CPEB1: variants seen among roughly 807,000 people sequenced by gnomAD.
The protein encoded by CPEB1 is cytoplasmic polyadenylation element-binding protein 1.
Under a neutral mutation model 65.8 loss-of-function variants are expected in CPEB1, and 7 were observed. The ratio of observed to expected loss-of-function variants is 0.11; its 90% CI spans 0.06 to 0.20. The LOEUF (loss-of-function observed/expected upper bound fraction) is 0.20, where lower values mean the gene tolerates loss of function less well. Ranked by LOEUF, CPEB1 falls within the 10% of genes least tolerant of loss-of-function variation. The pLI is 1.00. For missense variants in CPEB1, 551 were observed against 712.2 expected (o/e 0.77, Z 2.58); for synonymous variants, 262 against 260.0 (o/e 1.01, Z -0.08).
chr15:82,584,523 C>T lies in CPEB1; in HGVS notation c.272-12991G>A, dbSNP rs189411927. 1.2e-3 allele frequency among the ~76,000 whole-genome samples: 175 copies of T among 150,864 alleles called. 4 individuals are homozygous for T. The East Asian group carries it at 0.029, about 25-fold the overall frequency. ...TGAAACCCCATCTCTACTAAAAATA[C>T]AAAAATTAGCCAGGCGTGGTGGTGG... On this transcript the variant is annotated intron_variant, in intron 3 of 12. Transcript: ENST00000684509.
At chr15:82,604,320 A>G (rs960828729) in intron 3 of CPEB1, among the ~76,000 whole-genome samples, 7 of 152,032 alleles carry the variant, frequency 4.6e-5, no homozygotes, top group African/African-American at 1.7e-4. Flanking sequence ...TGTCTCTACT[A>G]AAATACAAAA....
At chr15:82,553,410 A>G (rs1224150214) in intron 8 of CPEB1, 57 bp downstream of exon 8, 1 of 1,320,338 alleles carries the variant, frequency 7.6e-7, no homozygotes, top group Non-Finnish European at 1.1e-6. Flanking sequence ...GCAGTTATGT[A>G]CTAGGGAAGG....
chr15:82,580,651 T>G (rs2041191340), intron 3 of CPEB1, among the ~76,000 whole-genome samples: 1 of 152,274 alleles, frequency 6.6e-6, no homozygotes, highest in African/African-American at 2.4e-5. Context: ...AGCTAAAATT[T>G]TGTACCATTA....
At chr15:82,560,158 G>A (rs987474202) in intron 4 of CPEB1, among the ~76,000 whole-genome samples, 11 of 152,272 alleles carry the variant, frequency 7.2e-5, no homozygotes, top group Non-Finnish European at 1.5e-4. Context: ...CCCTGAGAAG[G>A]CAGAATATGT....
At chr15:82,640,764 G>A (rs2047039703) in intron 1 of CPEB1, 1 of 152,116 alleles carries the variant, frequency 6.6e-6, no homozygotes, top group Non-Finnish European at 1.5e-5. Context: ...GTCAACTGGT[G>A]CTTCTATAGG....
intron 3 of CPEB1, among the ~76,000 whole-genome samples, chr15:82,601,940 T>C (rs945441818): frequency 6.6e-6 from 1 of 152,344 alleles, no homozygotes; most frequent in Non-Finnish European, 1.5e-5. Context: ...TAGTAATTGA[T>C]AGAATAAGCA....
rs532213277 is a variant in CPEB1, at chr15:82,617,780, C to T, written c.271+9413G>A. Reference sequence around the variant, plus strand: ...ACGGAGTCTCGCTCTGTCGCCCAGGCTGGAGTGCAGTGGCGGGATCTCGGC... The same window carrying T: ...ACGGAGTCTCGCTCTGTCGCCCAGGTTGGAGTGCAGTGGCGGGATCTCGGC... On this transcript the variant is annotated intron_variant, in intron 3 of 12. Transcript: ENST00000684509. 7.3e-3 allele frequency among the ~76,000 whole-genome samples: 861 copies of T among 117,892 alleles called. 6 individuals carry two copies. The highest frequency in any genetic ancestry group is 0.027 in the African/African-American group (805 of 30,130). The allele number at this position is 117,892 out of a possible 152,430, so 77.3% of individuals were successfully genotyped here.
rs141856305 is a variant in CPEB1, at chr15:82,586,577, T to C, written c.272-15045A>G. Among the ~76,000 whole-genome samples the C allele has an allele frequency of 3.4e-3, 514 of 152,344 alleles. 3 individuals are homozygous for C. Among genetic ancestry groups the C allele is most frequent in the African/African-American group, 0.011 (475 of 41,586 alleles). On this transcript the variant is annotated intron_variant, in intron 3 of 12. Coordinates refer to ENST00000684509, the MANE Select transcript of CPEB1 (RefSeq NM_001365242.1). ...CCAAAAGTTACCTAAGCTACATTTT[T>C]GTCCAGGTCAGCCAGATTGCTGGTA...
chr15:82,574,474 T>A (rs575895548), intron 3 of CPEB1, among the ~76,000 whole-genome samples: 1 of 152,040 alleles, frequency 6.6e-6, no homozygotes, highest in Non-Finnish European at 1.5e-5. Context: ...TCCCAGCACT[T>A]TGGGAGGCTG....
intron 3 of CPEB1, among the ~76,000 whole-genome samples, chr15:82,616,496 A>G (rs1363197163): frequency 6.6e-6 from 1 of 152,156 alleles, no homozygotes; most frequent in Non-Finnish European, 1.5e-5. Flanking sequence ...CATTTGTTAA[A>G]GATCGGTGGT....
chr15:82,549,347 T>C, intron 10 of CPEB1, 113 bp downstream of exon 10: 2 of 1,006,606 alleles, frequency 2.0e-6, no homozygotes, highest in South Asian at 2.9e-5. Context: ...TGGTATATGC[T>C]GATCTGCAGA....
At chr15:82,578,149 T>A (rs555810842) in intron 3 of CPEB1, among the ~76,000 whole-genome samples, 3,404 of 151,406 alleles carry the variant, frequency 0.022, 107 homozygotes, top group African/African-American at 0.078. Context: ...CAAAAAAAAA[T>A]AAAAAATAAA....
chr15:82,626,076 C>T (rs2045746302), intron 3 of CPEB1, among the ~76,000 whole-genome samples: 1 of 151,568 alleles, frequency 6.6e-6, no homozygotes, highest in African/African-American at 2.4e-5. Flanking sequence ...GCTGAGATCG[C>T]ACCACTGCAT....
At chr15:82,577,064 A>T (rs899719959) in intron 3 of CPEB1, among the ~76,000 whole-genome samples, 1 of 152,030 alleles carries the variant, frequency 6.6e-6, no homozygotes, top group African/African-American at 2.4e-5. Flanking sequence ...TATAGTAGAA[A>T]TTTTTTTCTG....
intron 3 of CPEB1, among the ~76,000 whole-genome samples, chr15:82,598,376 C>T (rs2042831100): frequency 6.6e-6 from 1 of 152,062 alleles, no homozygotes; most frequent in Admixed American, 6.6e-5. Context: ...CACCTGTAAT[C>T]CCAGCTACTA....
intron 4 of CPEB1, chr15:82,562,339 G>A: frequency 2.7e-6 from 1 of 376,126 alleles, no homozygotes; most frequent in Non-Finnish European, 5.2e-6. Context: ...TGCCACTACA[G>A]GAACTCATTA....
At chr15:82,643,350 G>A (rs1314218652) in intron 1 of CPEB1, among the ~76,000 whole-genome samples, 1 of 152,202 alleles carries the variant, frequency 6.6e-6, no homozygotes, top group African/African-American at 2.4e-5. Flanking sequence ...TTGGGAATGA[G>A]GCTGGGCACG....
intron 4 of CPEB1, among the ~76,000 whole-genome samples, chr15:82,559,936 T>C (rs1343909675): frequency 6.6e-6 from 1 of 151,952 alleles, no homozygotes; most frequent in East Asian, 1.9e-4. Flanking sequence ...ATACAAAAAT[T>C]AGCCAGGCGT....
rs2035890603 is a variant in CPEB1, at chr15:82,549,619, C to A, written c.1321G>T (p.Val441Phe). The change falls in exon 10 of 13, where the codon GTC (valine) becomes TTC (phenylalanine). Residue 441 changes from valine (V) to phenylalanine (F), a missense_variant. Around this residue, in one of 6 missense-constraint regions of CPEB1, gnomAD observed 99 missense variants for 161.3 expected, o/e 0.61. Coordinates refer to ENST00000684509, the MANE Select transcript of CPEB1 (RefSeq NM_001365242.1). ...TCAAGCCTCTGAGATGGGCTCCGGA[C>A]AAAGTTACTGTCGGCTAATACCCAG... The part of the protein sequence containing the change: ...IPWVLADSNF[V>F]RSPSQRLDPS... The A allele has an allele frequency of 6.2e-7, 1 of 1,614,040 alleles. No individual in the cohort carries two copies. The highest frequency in any genetic ancestry group is 8.5e-7 in the Non-Finnish European group (1 of 1,180,036).
Sources: gnomAD v4.1 joint callset for allele counts (sites outside exome capture counted in the v4.1 genomes callset) on GRCh38, gnomAD v4.1.1 for gene constraint, gnomAD v4.1.1 regional missense constraint, MANE v1.5 for transcripts, NCBI Gene and HGNC (gene_info 2026-07-23, HGNC 2026-07-21) for gene names.